The following EPN2 variants were observed in gnomAD, a reference collection of about 807,000 sequenced individuals.
EPN2 encodes epsin-2.
In EPN2, 34 loss-of-function variants were observed where a neutral mutation model predicts 61.7. The observed-to-expected ratio is 0.55, with a 90% CI of 0.42 to 0.73. EPN2 has a LOEUF of 0.73. Among genes scored for constraint, EPN2 ranks in the 30% least tolerant of loss-of-function variants. EPN2 has a pLI of 0.00. For missense variants in EPN2, 714 were observed against 839.2 expected, an observed-to-expected ratio of 0.85 and a Z score of 1.84; for synonymous variants, 349 against 353.6, an observed-to-expected ratio of 0.99 and a Z score of 0.15.
intron 4 of EPN2, chr17:19,308,734 TA>T (rs1905977136): frequency 1.1e-6 from 1 of 936,794 alleles, no homozygotes; most frequent in East Asian, 1.2e-4. Flanking sequence ...TTAGAGAAGC[TA>T]TGGACCCTTC....
intron 4 of EPN2, among the ~76,000 whole-genome samples, chr17:19,287,007 C>T (rs1700526360): frequency 6.6e-6 from 1 of 152,158 alleles, no homozygotes. Context: ...CATGTTCTAC[C>T]CATTTGGTAA....
chr17:19,326,104 A>G (rs1199760715), intron 7 of EPN2, among the ~76,000 whole-genome samples: 1 of 152,234 alleles, frequency 6.6e-6, no homozygotes, highest in Non-Finnish European at 1.5e-5. Context: ...AATTTGACCA[A>G]AAGATATTAA....
intron 4 of EPN2, chr17:19,308,341 T>C (rs901993769): frequency 1.0e-6 from 1 of 979,568 alleles, no homozygotes; most frequent in Admixed American, 6.2e-5. Flanking sequence ...CCCAAAGTGC[T>C]AGGATTACAG....
rs960154391 is a variant in EPN2, at chr17:19,335,114, C to T, written c.*860C>T. 4.2e-6 allele frequency: 1 copy of T among 237,466 alleles called. No homozygotes were observed. Among genetic ancestry groups the T allele is most frequent in the Non-Finnish European group, 8.0e-6 (1 of 124,378 alleles). 14.7% of individuals were successfully genotyped at this position (237,466 alleles called of 1,614,324 possible). A position where few individuals can be genotyped will look rare whatever the true frequency, so the allele number is the denominator to read the frequency against. On this transcript the variant is annotated 3_prime_UTR_variant, in exon 11 of 11. Transcript: ENST00000314728. ...AAAATGCCTTATTGAAAAACTAAAG[C>T]AAATTCTTTATAGGAAGAAAATATG... is the stretch of plus-strand genomic sequence containing the variant.
Position 19,259,970 on chromosome 17 carries a change from G to A in EPN2, c.-293-21985G>A, listed in dbSNP as rs150802551. On this transcript the variant is annotated intron_variant, in intron 1 of 10. Coordinates refer to ENST00000314728, the MANE Select transcript of EPN2 (RefSeq NM_014964.5). ...CGTCTGCCCCCTTGCACACTCCATG[G>A]CTGGCCTAAAAGCCCAGTCTGCTGT... is the stretch of plus-strand genomic sequence containing the variant. 9.9e-5 allele frequency among the ~76,000 whole-genome samples: 15 copies of A among 152,272 alleles called. No individual in the cohort carries two copies. The East Asian group carries it at 2.9e-3, about 29-fold the overall frequency.
intron 1 of EPN2, among the ~76,000 whole-genome samples, chr17:19,276,778 T>TTG: frequency 6.9e-6 from 1 of 145,022 alleles, no homozygotes; most frequent in East Asian, 2.0e-4. Flanking sequence ...AATAAGTTTT[T>TTG]TTTTTTTTTT....
In EPN2 at chr17:19,312,049, C is replaced by T. The variant is rs1906165194; in HGVS notation, c.880-3C>T. ...ATTACCAGTTTGCATTGTCCCTCTA[C>T]AGGAAGAACGCCTCAGGCGGGGTGA... On this transcript the variant is annotated splice_region_variant and splice_polypyrimidine_tract_variant and intron_variant, in intron 5 of 10. Transcript: ENST00000314728. 6.2e-7 allele frequency: 1 copy of T among 1,608,738 alleles called. No individual in the cohort carries two copies. Among genetic ancestry groups the T allele is most frequent in the South Asian group, 1.1e-5 (1 of 90,974 alleles).
chr17:19,300,427 C>CTTTTTTT (rs72338416), intron 4 of EPN2, among the ~76,000 whole-genome samples: 4 of 108,932 alleles, frequency 3.7e-5, no homozygotes, highest in Non-Finnish European at 7.0e-5. Context: ...AACTGTAAAT[C>CTTTTTTT]TTTTTTTTTT....
chr17:19,289,309 C>T (rs2045436940), intron 4 of EPN2, among the ~76,000 whole-genome samples: 1 of 152,122 alleles, frequency 6.6e-6, no homozygotes, highest in Admixed American at 6.5e-5. Flanking sequence ...TGGTCTTGAT[C>T]TCCTGACCCC....
chr17:19,244,178 G>T (rs1022937879), intron 1 of EPN2, among the ~76,000 whole-genome samples: 1 of 152,106 alleles, frequency 6.6e-6, no homozygotes, highest in Admixed American at 6.6e-5. Context: ...TGTAACTTGG[G>T]GGCTGGGTGC....
intron 4 of EPN2, among the ~76,000 whole-genome samples, chr17:19,304,609 G>A (rs1905730970): frequency 6.6e-6 from 1 of 152,206 alleles, no homozygotes; most frequent in African/African-American, 2.4e-5. Flanking sequence ...TCAGGACAGG[G>A]CTGGAATCCA....
chr17:19,318,094 C>G (rs1475534792), intron 7 of EPN2, among the ~76,000 whole-genome samples: 1 of 152,232 alleles, frequency 6.6e-6, no homozygotes, highest in Non-Finnish European at 1.5e-5. Context: ...CCCAGTGTCA[C>G]TTGCAGAATG....
chr17:19,243,321 G>A (rs1186740755), intron 1 of EPN2, among the ~76,000 whole-genome samples: 2 of 148,392 alleles, frequency 1.3e-5, no homozygotes, highest in East Asian at 4.0e-4. Context: ...AGGTTAAAGC[G>A]ATTTTTCTGC....
At chr17:19,246,917 G>A (rs2044958752) in intron 1 of EPN2, among the ~76,000 whole-genome samples, 1 of 151,954 alleles carries the variant, frequency 6.6e-6, no homozygotes, top group Non-Finnish European at 1.5e-5. Context: ...ACAGGCGCCC[G>A]CCACCACGCC....
intron 7 of EPN2, among the ~76,000 whole-genome samples, chr17:19,318,527 G>T (rs1449824067): frequency 5.7e-5 from 2 of 35,390 alleles, no homozygotes; most frequent in Non-Finnish European, 2.5e-4. Context: ...TCCAGCGTGG[G>T]CAACAGAGCG....
intron 7 of EPN2, among the ~76,000 whole-genome samples, chr17:19,323,531 G>A (rs1305784212): frequency 2.6e-5 from 4 of 152,142 alleles, no homozygotes; most frequent in African/African-American, 9.7e-5. Flanking sequence ...AACACCAGAG[G>A]AAGAAAATAC....
intron 1 of EPN2, among the ~76,000 whole-genome samples, chr17:19,239,405 G>A (rs1048555087): frequency 6.6e-6 from 1 of 152,194 alleles, no homozygotes; most frequent in Admixed American, 6.5e-5. Context: ...GCCCACCTCG[G>A]CCTCCCAAAG....
chr17:19,301,069 G>A (rs1353153381), intron 4 of EPN2, among the ~76,000 whole-genome samples: 1 of 152,162 alleles, frequency 6.6e-6, no homozygotes, highest in Non-Finnish European at 1.5e-5. Flanking sequence ...GGCAAGCAAA[G>A]GCTCGAGGCA....
At chr17:19,324,765 A>AGGAAATTATAAGGATAAAGAT (rs1906793168) in intron 7 of EPN2, among the ~76,000 whole-genome samples, 2 of 152,382 alleles carry the variant, frequency 1.3e-5, no homozygotes, top group Non-Finnish European at 2.9e-5. Context: ...GTAAAATAAA[A>AGGAAATTATAAGGATAAAGAT]GGAAATTATA....
Sources: gnomAD v4.1 joint callset for allele counts (sites outside exome capture counted in the v4.1 genomes callset) on GRCh38, gnomAD v4.1.1 for gene constraint, MANE v1.5 for transcripts, NCBI Gene and HGNC (gene_info 2026-07-23, HGNC 2026-07-21) for gene names.